Variants in ZNF446 observed in about 807,000 individuals in gnomAD.
ZNF446 encodes zinc finger protein with KRAB and SCAN domains 20.
A neutral mutation model predicts 34.0 loss-of-function variants in ZNF446; 42 were observed. That is an observed-to-expected ratio of 1.23 (90% confidence interval 0.96 to 1.60). ZNF446 has a LOEUF of 1.60. Ranked by LOEUF, ZNF446 falls within the 40% of genes most tolerant of loss-of-function variation. The pLI, the probability that ZNF446 is intolerant of heterozygous loss-of-function variation, is 0.00. For missense variants in ZNF446, 650 were observed against 600.2 expected (o/e 1.08, Z -0.87); for synonymous variants, 315 against 251.0 (o/e 1.25, Z -2.41).
intron 4 of ZNF446, 128 bp downstream of exon 4, chr19:58,478,309 G>A: frequency 1.3e-6 from 1 of 799,730 alleles, no homozygotes; most frequent in Non-Finnish European, 2.0e-6. Context: ...AGTGGAGTCT[G>A]TAAAAGCTGT....
rs1211430983 is a variant in ZNF446 at position 58,481,014 on chromosome 19, C to T, written c.*288C>T. 4.4e-6 allele frequency: 2 copies of T among 457,234 alleles called. No homozygotes were observed. Among genetic ancestry groups the T allele is most frequent in the Non-Finnish European group, 8.0e-6 (2 of 251,074 alleles). 28.3% of individuals were successfully genotyped at this position (457,234 alleles called of 1,614,324 possible). A position where few individuals can be genotyped will look rare whatever the true frequency, so the allele number is the denominator to read the frequency against. On this transcript the variant is annotated 3_prime_UTR_variant, in exon 7 of 7. Coordinates refer to ENST00000594369, the MANE Select transcript of ZNF446 (RefSeq NM_017908.4). ...GCCAAGCACCAGGCTCCCTCCCTCC[C>T]TGTGACATGGCCTGGGCTGACAACA...
downstream of ZNF446, among the ~76,000 whole-genome samples, chr19:58,482,994 C>T (rs976907626): frequency 2.6e-5 from 4 of 152,188 alleles, no homozygotes; most frequent in Non-Finnish European, 4.4e-5. Context: ...ATTTGAAATA[C>T]ACAAGATGGC....
downstream of ZNF446, among the ~76,000 whole-genome samples, chr19:58,484,722 T>C (rs966485005): frequency 6.6e-6 from 1 of 151,966 alleles, no homozygotes; most frequent in South Asian, 2.1e-4. Flanking sequence ...CAGCCAATTT[T>C]CCCCAAGTTA....
chr19:58,481,524 C>T (rs1238111819), downstream of ZNF446, among the ~76,000 whole-genome samples: 5 of 152,192 alleles, frequency 3.3e-5, no homozygotes, highest in African/African-American at 1.2e-4. Context: ...GGGCTGCAAG[C>T]AGGGGTTGCG....
chr19:58,477,957 G>C, intron 3 of ZNF446, 130 bp from the exon 4 acceptor site: 1 of 1,310,396 alleles, frequency 7.6e-7, no homozygotes, highest in Non-Finnish European at 1.0e-6. Flanking sequence ...TCCCTGTCTG[G>C]GATGGGGACC....
the ZNF446 span, among the ~76,000 whole-genome samples, chr19:58,487,176 A>T: frequency 3.3e-5 from 5 of 152,180 alleles, no homozygotes; most frequent in Non-Finnish European, 5.9e-5. Context: ...GCAGCACAGA[A>T]CAGGACCTGT....
chr19:58,479,976 G>T lies in ZNF446; in HGVS notation c.759G>T (p.Gly253=). 6.3e-7 allele frequency: 1 copy of T among 1,591,466 alleles called. No individual in the cohort carries two copies. ...AGGCACAGGCCCAGTCAGAGCTGGG[G>T]ATGCTGCTCACGGGGACAGGCGTCT... ...QPEAQAQSEL[G]MLLTGTGVCR... Residue 253 remains glycine, a synonymous_variant, in exon 6 of 7, where the codon GGG becomes GGT. Coordinates refer to ENST00000594369, the MANE Select transcript of ZNF446 (RefSeq NM_017908.4).
At chr19:58,484,119 AC>A (rs2053156769), downstream of ZNF446, among the ~76,000 whole-genome samples, 1 of 152,108 alleles carries the variant, frequency 6.6e-6, no homozygotes, top group South Asian at 2.1e-4. Context: ...GAAGTTAGAC[AC>A]CATCTCACCA....
chr19:58,485,285 G>A (rs1470890917), downstream of ZNF446, among the ~76,000 whole-genome samples: 1 of 151,524 alleles, frequency 6.6e-6, no homozygotes, highest in Non-Finnish European at 1.5e-5. Flanking sequence ...TGGATCACCT[G>A]AGGTTGGAGT....
chr19:58,477,159 C>A lies in ZNF446; in HGVS notation c.-40-20C>A, dbSNP rs971989618. 9 of 1,434,554 alleles carry A rather than the reference C, an allele frequency of 6.3e-6. No homozygotes were observed. The highest frequency in any genetic ancestry group is 4.4e-5 in the Admixed American group (2 of 45,620). The allele number at this position is 1,434,554 out of a possible 1,614,324, so 88.9% of individuals were successfully genotyped here. A position where few individuals can be genotyped will look rare whatever the true frequency, so the allele number is the denominator to read the frequency against. ...GGCCAGATTCTCTTGGCTGACATTC[C>A]GACCCTTCCTTTTCTGTAGGCCCAT... is the stretch of plus-strand genomic sequence containing the variant. On this transcript the variant is annotated intron_variant, in intron 1 of 6. Coordinates refer to ENST00000594369, the MANE Select transcript of ZNF446 (RefSeq NM_017908.4).
Position 58,480,641 on chromosome 19 carries a change from A to T in ZNF446, c.1268A>T (p.His423Leu), listed in dbSNP as rs1274348636. 6.2e-7 allele frequency: 1 copy of T among 1,612,230 alleles called. No homozygotes were observed. ...HRKSHTGQRR[H>L]FCSDCGRAFD... ...AAGAGCCACACAGGCCAGCGGCGTC[A>T]CTTCTGCAGTGACTGTGGCCGCGCC... Residue 423 changes from histidine (H) to leucine (L), a missense_variant, in exon 7 of 7, where the codon CAC becomes CTC. Physicochemically the swap from His to Leu is moderately conservative, Grantham distance 99. Transcript: ENST00000594369. This position sits in a 1 kb window ranked among gnomAD's most constrained non-coding sequence, Gnocchi z 7.2.
Position 58,480,236 on chromosome 19 carries a change from C to A in ZNF446, c.863C>A (p.Pro288Gln), listed in dbSNP as rs747391901. 6.3e-7 allele frequency: 1 copy of A among 1,589,948 alleles called. No individual in the cohort carries two copies. Among genetic ancestry groups the A allele is most frequent in the Non-Finnish European group, 8.5e-7 (1 of 1,173,772 alleles). The stretch of plus-strand genomic sequence containing the variant: ...GCCCAGCCGCCCCAGGGCCCAGGGC[C>A]GGCAGCCTGGGAGGGCTTGTCTGGG... ...PEAQPPQGPGPAAWEGLSGAA... is the reference protein window; with the variant it reads ...PEAQPPQGPGQAAWEGLSGAA... The change falls in exon 7 of 7, where the codon CCG (proline) becomes CAG (glutamine). Residue 288 changes from proline (P) to glutamine (Q), a missense_variant. Coordinates refer to ENST00000594369, the MANE Select transcript of ZNF446 (RefSeq NM_017908.4). This position sits in a 1 kb window ranked among gnomAD's most constrained non-coding sequence, Gnocchi z 7.2.
In ZNF446 at chr19:58,477,318, T is replaced by C; in HGVS notation, c.100T>C (p.Tyr34His). 1.9e-6 allele frequency: 3 copies of C among 1,613,324 alleles called. No homozygotes were observed. Among genetic ancestry groups the C allele is most frequent in the Non-Finnish European group, 8.5e-7 (1 of 1,179,974 alleles). The change falls in exon 2 of 7, where the codon TAC becomes CAC. Residue 34 changes from tyrosine (Y) to histidine (H), a missense_variant. Transcript: ENST00000594369. ...TARLRFRGFC[Y>H]QEVAGPREAL... ...CCGCCTCCGCTTCCGAGGGTTCTGC[T>C]ACCAGGAGGTGGCAGGTCCCCGAGA...
chr19:58,480,780 A>G lies in ZNF446; in HGVS notation c.*54A>G, dbSNP rs756661430. On this transcript the variant is annotated 3_prime_UTR_variant, in exon 7 of 7. Transcript: ENST00000594369. This position sits in a 1 kb window ranked among gnomAD's most constrained non-coding sequence, Gnocchi z 7.2. ...CTCGGTGTTCTCGGGGCCTGGATAC[A>G]GCCTCTGGGGCACCAGCAGAAGACT... 134 of 1,553,510 alleles carry G rather than the reference A, an allele frequency of 8.6e-5. No individual in the cohort carries two copies. The highest frequency in any genetic ancestry group is 1.1e-4 in the Non-Finnish European group (132 of 1,151,276).
chr19:58,479,595 G>T (rs1466580996), intron 4 of ZNF446, 48 bp from the exon 5 acceptor site: 3 of 1,594,030 alleles, frequency 1.9e-6, no homozygotes, highest in East Asian at 4.5e-5. Flanking sequence ...ACCAGACAGG[G>T]CAGGGAAGGG....
chr19:58,478,234 C>T, intron 4 of ZNF446, 53 bp downstream of exon 4: 3 of 1,522,960 alleles, frequency 2.0e-6, no homozygotes, highest in Non-Finnish European at 2.7e-6. Flanking sequence ...AGGGACTGTC[C>T]CCATGGCTGC....
At position 58,480,206 on chromosome 19, in the gene ZNF446, C is replaced by T; in HGVS notation, c.833C>T (p.Pro278Leu). ...GAGAGTGAGGGTCCACCTGGCTGCC[C>T]AGAGGCCCAGCCGCCCCAGGGCCCA... is the stretch of plus-strand genomic sequence containing the variant. Reference protein sequence around the residue: ...GNESEGPPGCPEAQPPQGPGP... With the variant: ...GNESEGPPGCLEAQPPQGPGP... The change falls in exon 7 of 7, where the codon CCA becomes CTA. Residue 278 changes from proline to leucine, a missense_variant. By Grantham distance (98) the Pro-to-Leu change is moderately conservative. Coordinates refer to ENST00000594369, the MANE Select transcript of ZNF446 (RefSeq NM_017908.4). The surrounding 1 kb of genome is among the most constrained non-coding windows in gnomAD (Gnocchi z 7.2). 6.3e-7 allele frequency: 1 copy of T among 1,596,438 alleles called. No homozygotes were observed. The highest frequency in any genetic ancestry group is 1.1e-5 in the South Asian group (1 of 90,676).
downstream of ZNF446, among the ~76,000 whole-genome samples, chr19:58,484,335 G>A (rs2053158558): frequency 6.7e-6 from 1 of 148,334 alleles, no homozygotes; most frequent in African/African-American, 2.5e-5. Flanking sequence ...GTGTGGTAGT[G>A]CACACCTGTA....
Position 58,480,594 on chromosome 19 carries a change from G to A in ZNF446, c.1221G>A (p.Lys407=), listed in dbSNP as rs1185791732. Residue 407 remains lysine, a synonymous_variant, in exon 7 of 7, where the codon AAG becomes AAA. Transcript: ENST00000594369. This position sits in a 1 kb window ranked among gnomAD's most constrained non-coding sequence, Gnocchi z 7.2. ...AGTGCGGGTGCAGCTTCAGCTGGAA[G>A]TCGCAGCTGGTCATCCACCGCAAGA... ...CEECGCSFSW[K]SQLVIHRKSH... 1.2e-6 allele frequency: 2 copies of A among 1,612,840 alleles called. No individual in the cohort carries two copies. Among genetic ancestry groups the A allele is most frequent in the Non-Finnish European group, 1.7e-6 (2 of 1,179,958 alleles).
Sources: allele counts gnomAD v4.1 joint callset (sites outside exome capture counted in the v4.1 genomes callset), GRCh38; gene constraint gnomAD v4.1.1; non-coding constraint Gnocchi (gnomAD v3.1); transcripts MANE v1.5; gene names NCBI Gene and HGNC (gene_info 2026-07-23, HGNC 2026-07-21).